The following NKAIN3 variants were observed in gnomAD, a reference collection of about 807,000 sequenced individuals.
The protein encoded by NKAIN3 is sodium/potassium-transporting ATPase subunit beta-1-interacting protein 3.
A neutral mutation model predicts 30.2 loss-of-function variants in NKAIN3; 25 were observed. That is an observed-to-expected ratio of 0.83 (90% CI 0.60 to 1.16). NKAIN3 has a LOEUF of 1.16. Among genes scored for constraint, NKAIN3 ranks in the 50% most tolerant of loss-of-function variants. The probability of loss-of-function intolerance (pLI) is 0.00; values close to 1 mark genes in which losing one functional copy is unlikely to be tolerated. For synonymous variants in NKAIN3, 91 were observed against 89.6 expected (o/e 1.02, Z -0.09); for missense variants, 225 against 254.1 (o/e 0.89, Z 0.78).
In NKAIN3 at chr8:62,345,501, A is replaced by G. The variant is rs797006834; in HGVS notation, c.54+96374A>G. Among the ~76,000 whole-genome samples the G allele has an allele frequency of 1.5e-3, 20 of 13,330 alleles. 1 individual carries two copies. Among genetic ancestry groups the G allele is most frequent in the Non-Finnish European group, 2.6e-3 (14 of 5,374 alleles). 8.7% of individuals were successfully genotyped at this position (13,330 alleles called of 152,430 possible). On this transcript the variant is annotated intron_variant, in intron 1 of 6. Coordinates refer to ENST00000623646, the MANE Select transcript of NKAIN3 (RefSeq NM_001304533.3). ...CATATATGTATATATACACACATAT[A>G]TACACATATATACACATATATGTAT...
At chr8:62,960,373 C>G (rs923890045) in intron 6 of NKAIN3, among the ~76,000 whole-genome samples, 2 of 152,116 alleles carry the variant, frequency 1.3e-5, no homozygotes, top group African/African-American at 4.8e-5. Context: ...AATCAGAAAG[C>G]CCATATCTGA....
chr8:62,410,731 A>G (rs746774958), intron 1 of NKAIN3, among the ~76,000 whole-genome samples: 10 of 152,228 alleles, frequency 6.6e-5, no homozygotes, highest in Non-Finnish European at 1.3e-4. Context: ...TATACTATGA[A>G]CAACTCTATG....
chr8:62,811,250 CT>C (rs1563573962), intron 4 of NKAIN3, among the ~76,000 whole-genome samples: 2 of 151,986 alleles, frequency 1.3e-5, no homozygotes, highest in Admixed American at 6.6e-5. Context: ...TGTACCATAG[CT>C]TATTTAAACA....
chr8:62,540,566 C>T (rs1808805493), intron 1 of NKAIN3, among the ~76,000 whole-genome samples: 1 of 152,144 alleles, frequency 6.6e-6, no homozygotes, highest in Admixed American at 6.6e-5. Context: ...TGTTCAAACA[C>T]ATTGGCTCTT....
chr8:62,615,479 G>T (rs539046637), intron 3 of NKAIN3, among the ~76,000 whole-genome samples: 28 of 152,250 alleles, frequency 1.8e-4, no homozygotes, highest in Admixed American at 1.8e-3. Context: ...TGCCCTAGCT[G>T]GTGTCTCAGT....
intron 3 of NKAIN3, among the ~76,000 whole-genome samples, chr8:62,713,496 G>A (rs1383081905): frequency 6.6e-6 from 1 of 152,142 alleles, no homozygotes; most frequent in Non-Finnish European, 1.5e-5. Context: ...ACAATAATTT[G>A]AGTGAGCATT....
chr8:62,500,635 C>A (rs551670737), intron 1 of NKAIN3, among the ~76,000 whole-genome samples: 2 of 152,094 alleles, frequency 1.3e-5, no homozygotes, highest in African/African-American at 4.8e-5. Context: ...ATCAAGGAGA[C>A]AACACATTAA....
downstream of NKAIN3, among the ~76,000 whole-genome samples, chr8:62,987,435 T>C (rs1824225232): frequency 3.3e-5 from 5 of 151,998 alleles, no homozygotes; most frequent in Admixed American, 3.3e-4. Context: ...GGGTAATTTA[T>C]AAAAAATAAG....
chr8:62,601,784 C>T (rs887232644), intron 3 of NKAIN3, among the ~76,000 whole-genome samples: 22 of 152,004 alleles, frequency 1.4e-4, no homozygotes, highest in African/African-American at 5.1e-4. Context: ...CAAAGAGACG[C>T]AATTATATTC....
In NKAIN3 at chr8:62,393,494, AG is replaced by A. The variant is rs1585756041; in HGVS notation, c.54+144368del. 2.6e-5 allele frequency among the ~76,000 whole-genome samples: 4 copies of A among 152,062 alleles called. No individual in the cohort carries two copies. The East Asian group carries it at 5.8e-4, about 22-fold the overall frequency. On this transcript the variant is annotated intron_variant, in intron 1 of 6. Coordinates refer to ENST00000623646, the MANE Select transcript of NKAIN3 (RefSeq NM_001304533.3). ...TCCTTATGCCAATCTCATACTCCTTAGAGTGCTTTTATTGTAAATCTTAAAT... is the reference window on the plus strand; with the variant it reads ...TCCTTATGCCAATCTCATACTCCTTAAGTGCTTTTATTGTAAATCTTAAAT...
intron 1 of NKAIN3, among the ~76,000 whole-genome samples, chr8:62,441,146 A>G (rs909936220): frequency 6.6e-6 from 1 of 152,092 alleles, no homozygotes; most frequent in African/African-American, 2.4e-5. Flanking sequence ...ATTAGGTCTT[A>G]TTGATTCAAA....
chr8:62,252,349 T>G (rs1812133458), intron 1 of NKAIN3, among the ~76,000 whole-genome samples: 1 of 152,186 alleles, frequency 6.6e-6, no homozygotes, highest in African/African-American at 2.4e-5. Flanking sequence ...AAGAAACAAA[T>G]AAAAGCTTTT....
intron 1 of NKAIN3, among the ~76,000 whole-genome samples, chr8:62,380,288 G>A (rs1817232924): frequency 6.6e-6 from 1 of 152,104 alleles, no homozygotes; most frequent in African/African-American, 2.4e-5. Context: ...TGTCTCATTA[G>A]GATAACTCAG....
At chr8:62,323,278 A>T (rs1815002460) in intron 1 of NKAIN3, among the ~76,000 whole-genome samples, 1 of 152,222 alleles carries the variant, frequency 6.6e-6, no homozygotes, top group Admixed American at 6.5e-5. Context: ...AGAAGCAACA[A>T]AGATGTCCTT....
At chr8:62,863,512 A>G (rs1820320294) in intron 4 of NKAIN3, 3 of 1,469,752 alleles carry the variant, frequency 2.0e-6, no homozygotes, top group Admixed American at 1.7e-5. Context: ...GGAGGCCTTG[A>G]TAGTTGAACT....
intron 3 of NKAIN3, among the ~76,000 whole-genome samples, chr8:62,740,314 T>C (rs1336743309): frequency 6.6e-6 from 1 of 152,192 alleles, no homozygotes; most frequent in Non-Finnish European, 1.5e-5. Context: ...ATCTGGTTTC[T>C]TAAGTATATA....
chr8:62,712,794 C>T (rs935762270), intron 3 of NKAIN3, among the ~76,000 whole-genome samples: 7 of 152,184 alleles, frequency 4.6e-5, no homozygotes, highest in African/African-American at 1.4e-4. Context: ...AGATTTCCTT[C>T]TCCCTGTGGG....
intron 4 of NKAIN3, among the ~76,000 whole-genome samples, chr8:62,861,257 A>C (rs1037745087): frequency 1.3e-5 from 2 of 152,202 alleles, no homozygotes; most frequent in Non-Finnish European, 2.9e-5. Context: ...TCACACACAC[A>C]AACCATAGTG....
chr8:62,647,215 A>T (rs1586046065), intron 3 of NKAIN3, among the ~76,000 whole-genome samples: 1 of 152,310 alleles, frequency 6.6e-6, no homozygotes, highest in East Asian at 1.9e-4. Flanking sequence ...TTCTGTAAGC[A>T]AAGTTGTTAA....
Sources: gnomAD v4.1 joint callset for allele counts (sites outside exome capture counted in the v4.1 genomes callset) on GRCh38, gnomAD v4.1.1 for gene constraint, MANE v1.5 for transcripts, NCBI Gene and HGNC (gene_info 2026-07-23, HGNC 2026-07-21) for gene names.